Variants in AIDA observed in about 807,000 individuals in gnomAD.
AIDA encodes axin interactor, dorsalization associated.
AIDA carries 18 observed loss-of-function variants against 42.7 expected under a neutral mutation model. The observed-to-expected ratio is 0.42, with a 90% confidence interval of 0.29 to 0.63. The LOEUF (loss-of-function observed/expected upper bound fraction) is 0.63. Ranked by LOEUF, AIDA falls within the 20% of genes least tolerant of loss-of-function variation. The pLI is 0.19. For missense variants in AIDA, 250 were observed against 354.1 expected (o/e 0.71, Z 2.36); for synonymous variants, 104 against 122.9 (o/e 0.85, Z 1.02).
chr1:222,679,725 C>T (rs1051628014), intron 6 of AIDA, among the ~76,000 whole-genome samples: 1 of 152,178 alleles, frequency 6.6e-6, no homozygotes, highest in Non-Finnish European at 1.5e-5. Context: ...CCTCATTTGG[C>T]CATTTCTTCA....
intron 6 of AIDA, among the ~76,000 whole-genome samples, chr1:222,682,969 G>C (rs1664679048): frequency 6.6e-6 from 1 of 152,118 alleles, no homozygotes; most frequent in African/African-American, 2.4e-5. Flanking sequence ...GTTACATTTA[G>C]AGATAGAAAT....
At chr1:222,700,971 TGG>T (rs769851386) in intron 2 of AIDA, among the ~76,000 whole-genome samples, 18 of 105,034 alleles carry the variant, frequency 1.7e-4, no homozygotes, top group Admixed American at 1.1e-3. Flanking sequence ...TGATTTTTTT[TGG>T]GGGGGGGGGG....
intron 8 of AIDA, among the ~76,000 whole-genome samples, chr1:222,672,034 G>C (rs950893473): frequency 6.6e-6 from 1 of 152,034 alleles, no homozygotes; most frequent in African/African-American, 2.4e-5. Flanking sequence ...TTATAAGAAA[G>C]AACAAAATGT....
At chr1:222,709,531 G>A (rs1291436522) in intron 1 of AIDA, among the ~76,000 whole-genome samples, 1 of 152,222 alleles carries the variant, frequency 6.6e-6, no homozygotes, top group African/African-American at 2.4e-5. Context: ...AGCAGGAGGT[G>A]TGAAACTGAG....
Position 222,678,208 on chromosome 1 carries a change from T to A in AIDA, c.461-1990A>T, listed in dbSNP as rs973336375. On this transcript the variant is annotated intron_variant, in intron 6 of 9. Transcript: ENST00000340020. The stretch of plus-strand genomic sequence containing the variant: ...CTATTTGTATATCTTGGGGTGTGTG[T>A]GTGTGTGTGTGTGTGTGTGTGTGTG... 3.0e-4 allele frequency among the ~76,000 whole-genome samples: 33 copies of A among 108,356 alleles called. 1 individual carries two copies. The South Asian group carries it at 4.5e-3, about 15-fold the overall frequency. The allele number at this position is 108,356 out of a possible 152,430, so 71.1% of individuals were successfully genotyped here. A position where few individuals can be genotyped will look rare whatever the true frequency, so the allele number is the denominator to read the frequency against.
At chr1:222,686,380 T>C (rs139317322) in intron 6 of AIDA, among the ~76,000 whole-genome samples, 108 of 152,292 alleles carry the variant, frequency 7.1e-4, no homozygotes, top group Middle Eastern at 3.4e-3. Flanking sequence ...CTAAACATCT[T>C]GTTTCTTCTG....
At chr1:222,689,565 A>G (rs11118971) in intron 4 of AIDA, among the ~76,000 whole-genome samples, 17,444 of 75,394 alleles carry the variant, frequency 0.23, 2,419 homozygotes, top group African/African-American at 0.39. Context: ...ATATGTATAT[A>G]TATGTATATA....
chr1:222,693,269 T>C (rs1376140360), intron 4 of AIDA, among the ~76,000 whole-genome samples: 2 of 152,188 alleles, frequency 1.3e-5, no homozygotes, highest in Admixed American at 1.3e-4. Flanking sequence ...TTTGCCCATA[T>C]TGCAAAGAAC....
chr1:222,682,455 T>A (rs994895370), intron 6 of AIDA, among the ~76,000 whole-genome samples: 3 of 152,238 alleles, frequency 2.0e-5, no homozygotes, highest in Non-Finnish European at 4.4e-5. Flanking sequence ...TCAGTCCTTA[T>A]GTTGCCTTGG....
In AIDA at chr1:222,703,147, C is replaced by G; in HGVS notation, c.180+1G>C. 10 of 1,598,492 alleles carry G rather than the reference C, an allele frequency of 6.3e-6. No homozygotes were observed. The highest frequency in any genetic ancestry group is 8.5e-6 in the Non-Finnish European group (10 of 1,173,570). Reference sequence around the variant, plus strand: ...TATATCTAGAGATTATTTTATGGTACCTTTTGTTCTTCTGTGAATTCAGAA... The same window carrying G: ...TATATCTAGAGATTATTTTATGGTAGCTTTTGTTCTTCTGTGAATTCAGAA... On this transcript the variant is annotated splice_donor_variant, in intron 2 of 9. Transcript: ENST00000340020. LOFTEE classifies it high-confidence loss of function.
intron 2 of AIDA, among the ~76,000 whole-genome samples, chr1:222,702,023 CAA>C (rs35462872): frequency 3.1e-4 from 40 of 129,692 alleles, no homozygotes; most frequent in Non-Finnish European, 3.6e-4. Context: ...CACACCCAGC[CAA>C]AAAAAAAAAA....
rs559629433 is a variant in AIDA at position 222,712,051 on chromosome 1, G to C, written c.110+157C>G. The C allele has an allele frequency of 1.9e-4, 221 of 1,155,662 alleles. 1 individual carries two copies. The South Asian group carries it at 3.2e-3, about 17-fold the overall frequency. 71.6% of individuals were successfully genotyped at this position (1,155,662 alleles called of 1,614,324 possible). On this transcript the variant is annotated intron_variant, in intron 1 of 9. Coordinates refer to ENST00000340020, the MANE Select transcript of AIDA (RefSeq NM_022831.4). ...GAGCCGTTGTCCCTAGAGCAGCCTC[G>C]CTGGGGCTGGTGGCGAGGGATCTCA...
At chr1:222,708,680 T>C (rs1655910650) in intron 1 of AIDA, among the ~76,000 whole-genome samples, 1 of 152,124 alleles carries the variant, frequency 6.6e-6, no homozygotes, top group Non-Finnish European at 1.5e-5. Context: ...TTAGCAGATA[T>C]TTATTGAGTA....
chr1:222,710,657 T>A (rs949930313), intron 1 of AIDA, among the ~76,000 whole-genome samples: 22 of 152,218 alleles, frequency 1.4e-4, no homozygotes, highest in African/African-American at 4.6e-4. Flanking sequence ...ATTTGTCTAA[T>A]TCACTTACAG....
chr1:222,696,119 T>C (rs1655514630), intron 2 of AIDA, among the ~76,000 whole-genome samples: 1 of 152,234 alleles, frequency 6.6e-6, no homozygotes, highest in South Asian at 2.1e-4. Context: ...GTTTAGAAGA[T>C]GTCCAATTTT....
In AIDA at chr1:222,669,955, A is replaced by G. The variant is rs772117426; in HGVS notation, c.859T>C (p.Leu287=). The change falls in exon 10 of 10, where the codon TTG becomes CTG. Residue 287 remains leucine, a synonymous_variant. Coordinates refer to ENST00000340020, the MANE Select transcript of AIDA (RefSeq NM_022831.4). ...KKPTDFKRKK[L]QLLTKKPLYL... is the part of the protein sequence containing the mutation. ...AGTGGTTTCTTGGTCAATAATTGCA[A>G]TTTCTTTCTTTTAAAGTCAGTGGGT... 1.1e-5 allele frequency: 17 copies of G among 1,613,718 alleles called. No individual in the cohort carries two copies. Among genetic ancestry groups the G allele is most frequent in the Non-Finnish European group, 1.3e-5 (15 of 1,179,974 alleles).
intron 6 of AIDA, among the ~76,000 whole-genome samples, chr1:222,678,873 T>C (rs994923188): frequency 2.0e-5 from 3 of 152,238 alleles, no homozygotes; most frequent in Non-Finnish European, 2.9e-5. Flanking sequence ...TCAGTCCTTT[T>C]TTCGTTCACT....
At chr1:222,673,579 A>G in intron 7 of AIDA, 144 bp from the exon 8 acceptor site, 1 of 496,954 alleles carries the variant, frequency 2.0e-6, no homozygotes, top group Non-Finnish European at 3.3e-6. Context: ...GATCAAGAAC[A>G]TCCTGGCTAA....
chr1:222,704,364 C>G (rs1655786880), intron 1 of AIDA, among the ~76,000 whole-genome samples: 1 of 152,078 alleles, frequency 6.6e-6, no homozygotes, highest in African/African-American at 2.4e-5. Context: ...TATGTTTACA[C>G]ACAAAAAAAC....
Sources: allele counts gnomAD v4.1 joint callset (sites outside exome capture counted in the v4.1 genomes callset), GRCh38; gene constraint gnomAD v4.1.1; transcripts MANE v1.5; gene names NCBI Gene and HGNC (gene_info 2026-07-23, HGNC 2026-07-21).